Variants in SPDYE6 observed in about 807,000 individuals in gnomAD.
SPDYE6 encodes speedy/RINGO cell cycle regulator family member E6.
For synonymous variants in SPDYE6, 2 were observed against 103.0 expected, an observed-to-expected ratio of 0.02 and a Z score of 5.94; for missense variants, 8 against 297.9, an observed-to-expected ratio of 0.03 and a Z score of 7.16.
rs1794497927 is a variant in SPDYE6, at chr7:102,346,440, A to C, written c.*827T>G. ...GTCACAAACCTAAACAGCAAATAAAAATTTCTATCACCAGAATTATGTATT... is the reference window on the plus strand; with the variant it reads ...GTCACAAACCTAAACAGCAAATAAACATTTCTATCACCAGAATTATGTATT... On this transcript the variant is annotated 3_prime_UTR_variant, in exon 8 of 8. Transcript: ENST00000563237. 6.6e-6 allele frequency among the ~76,000 whole-genome samples: 1 copy of C among 150,488 alleles called. No homozygotes were observed. The highest frequency in any genetic ancestry group is 2.4e-5 in the African/African-American group (1 of 41,242).
chr7:102,345,901 T>C lies in SPDYE6; in HGVS notation c.*1366A>G, dbSNP rs1794487682. On this transcript the variant is annotated 3_prime_UTR_variant, in exon 8 of 8. Transcript: ENST00000563237. ...TGCCAAAACAAGGTAAAAAATTACA[T>C]CTGAATTCTCACATTTCAAACATAT... Among the ~76,000 whole-genome samples, 1 of 152,178 alleles carries C rather than the reference T, an allele frequency of 6.6e-6. No individual in the cohort carries two copies. Among genetic ancestry groups the C allele is most frequent in the African/African-American group, 2.4e-5 (1 of 41,452 alleles).
Position 102,346,227 on chromosome 7 carries a change from T to G in SPDYE6, c.*1040A>C. On this transcript the variant is annotated 3_prime_UTR_variant, in exon 8 of 8. Coordinates refer to ENST00000563237, the MANE Select transcript of SPDYE6 (RefSeq NM_001146210.4). Reference sequence around the variant, plus strand: ...TATTTCCAAAATATTTAAAATAATATTTAATGTAAAAATAATATTTAAATA... The same window carrying G: ...TATTTCCAAAATATTTAAAATAATAGTTAATGTAAAAATAATATTTAAATA... Among the ~76,000 whole-genome samples the G allele has an allele frequency of 9.2e-6, 1 of 108,622 alleles. No individual in the cohort carries two copies. The highest frequency in any genetic ancestry group is 2.9e-4 in the East Asian group (1 of 3,468). The allele number at this position is 108,622 out of a possible 152,430, so 71.3% of individuals were successfully genotyped here. A position where few individuals can be genotyped will look rare whatever the true frequency, so the allele number is the denominator to read the frequency against.
chr7:102,352,276 G>C (rs1202635363), intron 3 of SPDYE6, among the ~76,000 whole-genome samples, 152 bp from the exon 4 acceptor site: 3 of 151,852 alleles, frequency 2.0e-5, no homozygotes, highest in African/African-American at 7.2e-5. Flanking sequence ...GACTTTCACT[G>C]GGCAAGGGAG....
chr7:102,352,470 T>A (rs1794589190), intron 3 of SPDYE6, among the ~76,000 whole-genome samples: 1 of 142,696 alleles, frequency 7.0e-6, no homozygotes, highest in South Asian at 2.2e-4. Flanking sequence ...GGTGTGACCA[T>A]GGCCTTGGTA....
chr7:102,351,863 A>T (rs1252323896), intron 4 of SPDYE6, among the ~76,000 whole-genome samples: 3,132 of 3,132 alleles, frequency 1, 1,566 homozygotes, highest in Non-Finnish European at 1. Flanking sequence ...ATCGAGACAC[A>T]GCCCTCCAGC....
In SPDYE6 at chr7:102,345,923, A is replaced by T. The variant is rs1271990180; in HGVS notation, c.*1344T>A. On this transcript the variant is annotated 3_prime_UTR_variant, in exon 8 of 8. Coordinates refer to ENST00000563237, the MANE Select transcript of SPDYE6 (RefSeq NM_001146210.4). The stretch of plus-strand genomic sequence containing the variant: ...ACATCTGAATTCTCACATTTCAAAC[A>T]TATATGAAATATCAAATAAAAATTT... Among the ~76,000 whole-genome samples the T allele has an allele frequency of 5.3e-5, 8 of 152,196 alleles. No homozygotes were observed. The highest frequency in any genetic ancestry group is 1.7e-4 in the African/African-American group (7 of 41,446).
At chr7:102,353,544 C>G (rs414008) in intron 2 of SPDYE6, among the ~76,000 whole-genome samples, 156 bp from the exon 3 acceptor site, 603 of 133,206 alleles carry the variant, frequency 4.5e-3, no homozygotes, top group African/African-American at 0.016. Flanking sequence ...CTGCTGAGCT[C>G]CATGTGCCGC....
At chr7:102,353,969 C>T (rs1794616410) in intron 2 of SPDYE6, among the ~76,000 whole-genome samples, 1 of 72,496 alleles carries the variant, frequency 1.4e-5, no homozygotes, top group African/African-American at 5.8e-5. Flanking sequence ...TGCCTCAGTA[C>T]CTCCATTCTT....
In SPDYE6 at chr7:102,353,301, T is replaced by C; in HGVS notation, c.467A>G (p.Glu156Gly). The change falls in exon 3 of 8, where the codon GAG becomes GGG. Residue 156 changes from glutamate to glycine, a missense_variant. By Grantham distance (98) the Glu-to-Gly change is moderately conservative. Transcript: ENST00000563237. ...GGCGAGCACCTTCCGTGGCTCCTCC[T>C]CCAACGACTCCTCAGATTCGTCCCA... The part of the protein sequence containing the change: ...EWWDESEESL[E>G]EEPRKVLAPE... 2.1e-6 allele frequency: 1 copy of C among 480,162 alleles called. No individual in the cohort carries two copies. The highest frequency in any genetic ancestry group is 4.1e-5 in the African/African-American group (1 of 24,292). The allele number at this position is 480,162 out of a possible 1,614,324, so 29.7% of individuals were successfully genotyped here. A position where few individuals can be genotyped will look rare whatever the true frequency, so the allele number is the denominator to read the frequency against.
intron 2 of SPDYE6, among the ~76,000 whole-genome samples, chr7:102,353,737 C>T (rs1422186039): frequency 8.8e-5 from 13 of 147,890 alleles, no homozygotes; most frequent in Admixed American, 4.7e-4. Context: ...GATCTTGGCT[C>T]ACTGCAACCT....
Position 102,345,866 on chromosome 7 carries a change from T to A in SPDYE6, c.*1401A>T, listed in dbSNP as rs570248957. The stretch of plus-strand genomic sequence containing the variant: ...AGAACACACATTCTCTTTAAAGTAA[T>A]ATACAAACATGCCAAAACAAGGTAA... On this transcript the variant is annotated 3_prime_UTR_variant, in exon 8 of 8. Transcript: ENST00000563237. 2.0e-5 allele frequency among the ~76,000 whole-genome samples: 3 copies of A among 152,174 alleles called. No homozygotes were observed. Among genetic ancestry groups the A allele is most frequent in the Admixed American group, 1.3e-4 (2 of 15,266 alleles).
chr7:102,353,976 T>G (rs1794616547), intron 2 of SPDYE6, among the ~76,000 whole-genome samples: 1 of 69,760 alleles, frequency 1.4e-5, no homozygotes. Flanking sequence ...GTACCTCCAT[T>G]CTTCCCACAC....
At chr7:102,351,639 C>T (rs1328485264) in intron 4 of SPDYE6, among the ~76,000 whole-genome samples, 15 of 94,076 alleles carry the variant, frequency 1.6e-4, no homozygotes, top group East Asian at 3.1e-4. Context: ...CAGTGGCTGA[C>T]GTCTATAATC....
intron 3 of SPDYE6, among the ~76,000 whole-genome samples, chr7:102,352,566 T>G (rs1794591281): frequency 7.1e-6 from 1 of 139,950 alleles, no homozygotes; most frequent in Non-Finnish European, 1.6e-5. Context: ...AACCACTTTC[T>G]TTGTTTATTG....
chr7:102,351,587 T>G (rs111422632), intron 4 of SPDYE6, among the ~76,000 whole-genome samples: 20 of 85,274 alleles, frequency 2.3e-4, no homozygotes, highest in East Asian at 6.7e-4. Context: ...AAAAAAAAAT[T>G]TGTGGGTGCC....
Position 102,353,380 on chromosome 7 carries a change from C to A in SPDYE6, c.388G>T (p.Val130Leu), listed in dbSNP as rs200536354. The A allele has an allele frequency of 0.21, 82,129 of 397,684 alleles. 2 individuals are homozygous for A. Among genetic ancestry groups the A allele is most frequent in the East Asian group, 0.24 (5,950 of 25,070 alleles). 24.6% of individuals were successfully genotyped at this position (397,684 alleles called of 1,614,324 possible). The change falls in exon 3 of 8, where the codon GTA becomes TTA. Residue 130 changes from valine (V) to leucine (L), a missense_variant. By Grantham distance (32) the Val-to-Leu change is conservative. Transcript: ENST00000563237. Reference protein sequence around the residue: ...KDFNSQLAPGVDPSPPHRSFC... With the variant: ...KDFNSQLAPGLDPSPPHRSFC... ...GACCTATGCGGGGGGCTGGGATCTA[C>A]CCCAGGGGCTGAGTAAAGAAACCAG...
rs803079 is a variant in SPDYE6 at position 102,345,748 on chromosome 7, G to C, written c.*1519C>G. 0.011 allele frequency among the ~76,000 whole-genome samples: 1,640 copies of C among 152,070 alleles called. 25 individuals are homozygous for C. The highest frequency in any genetic ancestry group is 0.037 in the African/African-American group (1,549 of 41,482). The stretch of plus-strand genomic sequence containing the variant: ...AATCCAGACCAATATGATCACAATT[G>C]CTGTGAAGGTGAGAAAAGTTCATTT... On this transcript the variant is annotated 3_prime_UTR_variant, in exon 8 of 8. Coordinates refer to ENST00000563237, the MANE Select transcript of SPDYE6 (RefSeq NM_001146210.4).
chr7:102,354,026 CTTCCT>C (rs1794617948), intron 2 of SPDYE6, among the ~76,000 whole-genome samples: 1 of 37,200 alleles, frequency 2.7e-5, no homozygotes, highest in South Asian at 7.7e-4. Flanking sequence ...TGGGCCCTTC[CTTCCT>C]TTTTTTTTTT....
chr7:102,353,672 T>C (rs1223962000), intron 2 of SPDYE6, among the ~76,000 whole-genome samples: 2 of 152,006 alleles, frequency 1.3e-5, no homozygotes, highest in East Asian at 1.9e-4. Context: ...TTGTTGTCGT[T>C]GTTGTTGTTG....
Sources: allele counts gnomAD v4.1 joint callset (sites outside exome capture counted in the v4.1 genomes callset), GRCh38; gene constraint gnomAD v4.1.1; transcripts MANE v1.5; gene names NCBI Gene and HGNC (gene_info 2026-07-23, HGNC 2026-07-21).